TFDP2: variants seen among roughly 807,000 people sequenced by gnomAD.
The protein encoded by TFDP2 is transcription factor Dp-2 (E2F dimerization partner 2).
In TFDP2, 17 loss-of-function variants were observed where a neutral mutation model predicts 59.3. That is an observed-to-expected ratio of 0.29 (90% CI 0.20 to 0.43). TFDP2 has a LOEUF of 0.43. Ranked by LOEUF, TFDP2 falls within the 20% of genes least tolerant of loss-of-function variation. The pLI is 1.00. For missense variants in TFDP2, 391 were observed against 528.8 expected (o/e 0.74, Z 2.56); for synonymous variants, 180 against 194.7 (o/e 0.92, Z 0.63).
chr3:141,974,352 G>A (rs1006540815), intron 7 of TFDP2, among the ~76,000 whole-genome samples, 161 bp from the exon 8 acceptor site: 5 of 151,606 alleles, frequency 3.3e-5, no homozygotes, highest in African/African-American at 4.9e-5. Context: ...TCTATATTCC[G>A]AGAAAATATC....
chr3:141,971,979 T>G lies in TFDP2; in HGVS notation c.664-1838A>C, dbSNP rs11569238. On this transcript the variant is annotated intron_variant, in intron 8 of 12. Transcript: ENST00000489671. ...GGCAATTAAGATCTTTAAACTAAAT[T>G]TGTTACAATTTTGTCTTTCAATCAT... is the stretch of plus-strand genomic sequence containing the variant. Among the ~76,000 whole-genome samples, 185 of 152,302 alleles carry G rather than the reference T, an allele frequency of 1.2e-3. 1 individual carries two copies. The highest frequency in any genetic ancestry group is 2.3e-3 in the Non-Finnish European group (156 of 68,020).
chr3:142,091,096 C>T (rs1414042347), intron 3 of TFDP2, among the ~76,000 whole-genome samples: 2 of 152,098 alleles, frequency 1.3e-5, no homozygotes, highest in Non-Finnish European at 2.9e-5. Flanking sequence ...AATGGAGTCC[C>T]TCAGCCCTCA....
intron 1 of TFDP2, among the ~76,000 whole-genome samples, chr3:142,129,315 T>C (rs1419621827): frequency 2.0e-5 from 3 of 151,564 alleles, no homozygotes; most frequent in African/African-American, 4.8e-5. Context: ...AATCCTCAGA[T>C]TCAGAAATGA....
intron 4 of TFDP2, among the ~76,000 whole-genome samples, chr3:142,001,659 C>T (rs1218942592): frequency 6.6e-6 from 1 of 152,160 alleles, no homozygotes; most frequent in African/African-American, 2.4e-5. Flanking sequence ...ATCTTCACTT[C>T]TGATGATAAA....
chr3:142,127,762 T>C (rs1326220124), intron 1 of TFDP2, among the ~76,000 whole-genome samples: 1 of 152,138 alleles, frequency 6.6e-6, no homozygotes, highest in Admixed American at 6.6e-5. Context: ...AAGTTATATA[T>C]ACATAATTAA....
intron 10 of TFDP2, among the ~76,000 whole-genome samples, chr3:141,962,800 C>A (rs1937522661): frequency 6.6e-6 from 1 of 152,182 alleles, no homozygotes; most frequent in South Asian, 2.1e-4. Context: ...AATGTCAGGG[C>A]CCTAGGAGAC....
chr3:142,006,549 G>A (rs1222194814), intron 3 of TFDP2, among the ~76,000 whole-genome samples: 1 of 149,340 alleles, frequency 6.7e-6, no homozygotes, highest in Non-Finnish European at 1.5e-5. Flanking sequence ...GGTCACTACA[G>A]GCTCAAACTC....
At chr3:142,073,863 T>G (rs985346666) in intron 3 of TFDP2, among the ~76,000 whole-genome samples, 2 of 152,106 alleles carry the variant, frequency 1.3e-5, no homozygotes, top group African/African-American at 4.8e-5. Flanking sequence ...TTAAGATCAA[T>G]AAAACCAAAG....
At chr3:142,046,889 C>A (rs1305548300) in intron 3 of TFDP2, among the ~76,000 whole-genome samples, 1 of 152,132 alleles carries the variant, frequency 6.6e-6, no homozygotes, top group African/African-American at 2.4e-5. Context: ...TAAATTCAGG[C>A]TTCCCCATTG....
chr3:142,147,158 C>T (rs2063210380), intron 1 of TFDP2, among the ~76,000 whole-genome samples: 1 of 151,814 alleles, frequency 6.6e-6, no homozygotes, highest in Admixed American at 6.6e-5. Flanking sequence ...CATAATTTTG[C>T]ATAATATTTC....
rs547236599 is a variant in TFDP2 at position 141,969,000 on chromosome 3, TC to T, written c.732+1072del. Among the ~76,000 whole-genome samples, 53 of 97,974 alleles carry T rather than the reference TC, an allele frequency of 5.4e-4. 1 individual carries two copies. Among genetic ancestry groups the T allele is most frequent in the African/African-American group, 1.9e-3 (45 of 23,420 alleles). The allele number at this position is 97,974 out of a possible 152,430, so 64.3% of individuals were successfully genotyped here. A position where few individuals can be genotyped will look rare whatever the true frequency, so the allele number is the denominator to read the frequency against. ...TATATAGATATATATAACATATATC[TC>T]ATATATATAGATATATATATAACAT... On this transcript the variant is annotated intron_variant, in intron 9 of 12. Coordinates refer to ENST00000489671, the MANE Select transcript of TFDP2 (RefSeq NM_001178139.2).
intron 3 of TFDP2, among the ~76,000 whole-genome samples, chr3:142,005,886 C>T (rs1204610857): frequency 6.6e-6 from 1 of 151,900 alleles, no homozygotes; most frequent in African/African-American, 2.4e-5. Flanking sequence ...CAGTTTATAT[C>T]AGAATTGAGA....
rs1487289085 is a variant in TFDP2, at chr3:141,993,389, C to T, written c.356+149G>A. 8 of 500,068 alleles carry T rather than the reference C, an allele frequency of 1.6e-5. No individual in the cohort carries two copies. The East Asian group carries it at 2.0e-4, about 13-fold the overall frequency. 31.0% of individuals were successfully genotyped at this position (500,068 alleles called of 1,614,324 possible). The stretch of plus-strand genomic sequence containing the variant: ...TACAGATACTATGAGTGAACTGGGG[C>T]ACTCAATGCAGAATGAAATAATGGC... On this transcript the variant is annotated intron_variant, in intron 6 of 12. Coordinates refer to ENST00000489671, the MANE Select transcript of TFDP2 (RefSeq NM_001178139.2).
chr3:142,034,169 C>T (rs1413360123), intron 3 of TFDP2, among the ~76,000 whole-genome samples: 2 of 147,988 alleles, frequency 1.4e-5, no homozygotes, highest in Non-Finnish European at 3.0e-5. Flanking sequence ...GATCTCGGCT[C>T]ACCTCAACCT....
chr3:141,976,445 G>A lies in TFDP2; in HGVS notation c.519+2075C>T, dbSNP rs560024464. Among the ~76,000 whole-genome samples the A allele has an allele frequency of 2.6e-5, 4 of 152,296 alleles. No individual in the cohort carries two copies. In the East Asian group the frequency reaches 7.7e-4, roughly 29 times the overall value. On this transcript the variant is annotated intron_variant, in intron 7 of 12. Transcript: ENST00000489671. The stretch of plus-strand genomic sequence containing the variant: ...CAACCTTTGTTTATATCCTGGGAAG[G>A]TGGTGGTGATAGGGTATTAGTAAAA...
In TFDP2 at chr3:142,084,960, G is replaced by A. The variant is rs548279142; in HGVS notation, c.82+8101C>T. ...TTTTGAGACAGAGACTCGCTCTGTCGCCCAGGCCGGAGTGCAGTGGTGTGA... is the reference window on the plus strand; with the variant it reads ...TTTTGAGACAGAGACTCGCTCTGTCACCCAGGCCGGAGTGCAGTGGTGTGA... On this transcript the variant is annotated intron_variant, in intron 3 of 12. Coordinates refer to ENST00000489671, the MANE Select transcript of TFDP2 (RefSeq NM_001178139.2). Among the ~76,000 whole-genome samples the A allele has an allele frequency of 3.3e-5, 5 of 151,798 alleles. No individual in the cohort carries two copies. The East Asian group carries it at 5.8e-4, about 18-fold the overall frequency.
chr3:142,047,782 G>A (rs1431252397), intron 3 of TFDP2, among the ~76,000 whole-genome samples: 1 of 147,428 alleles, frequency 6.8e-6, no homozygotes, highest in African/African-American at 2.5e-5. Context: ...TTGTTGCCCA[G>A]GCTCCAGTGC....
At chr3:142,137,062 C>A (rs148460482) in intron 1 of TFDP2, among the ~76,000 whole-genome samples, 12,583 of 151,912 alleles carry the variant, frequency 0.083, 688 homozygotes, top group Middle Eastern at 0.14. Flanking sequence ...CTTTTATTTC[C>A]TTGAGCAGTT....
intron 1 of TFDP2, chr3:142,126,160 T>C (rs1210473163): frequency 1.3e-5 from 2 of 151,452 alleles, no homozygotes; most frequent in Non-Finnish European, 2.9e-5. Context: ...AGTCATGGGG[T>C]TCCCAGAATT....
Sources: gnomAD v4.1 joint callset for allele counts (sites outside exome capture counted in the v4.1 genomes callset) on GRCh38, gnomAD v4.1.1 for gene constraint, MANE v1.5 for transcripts, NCBI Gene and HGNC (gene_info 2026-07-23, HGNC 2026-07-21) for gene names.